DENND1A: variants seen among roughly 807,000 people sequenced by gnomAD.
The protein encoded by DENND1A is DENN domain containing 1A, also known as DENN domain-containing protein 1A.
DENND1A carries 51 observed loss-of-function variants against 113.7 expected under a neutral mutation model. That is an observed-to-expected ratio of 0.45 (90% CI 0.36 to 0.57). The LOEUF (loss-of-function observed/expected upper bound fraction) is 0.57. DENND1A is among the 20% of genes least tolerant of loss of function. The probability of loss-of-function intolerance (pLI) is 0.00; values close to 1 mark genes in which losing one functional copy is unlikely to be tolerated. For synonymous variants in DENND1A, 565 were observed against 570.8 expected, an observed-to-expected ratio of 0.99 and a Z score of 0.14; for missense variants, 1,258 against 1,395.9, an observed-to-expected ratio of 0.90 and a Z score of 1.57.
intron 5 of DENND1A, among the ~76,000 whole-genome samples, chr9:123,737,582 A>G (rs2068664278): frequency 1.3e-5 from 2 of 152,164 alleles, no homozygotes; most frequent in African/African-American, 2.4e-5. Context: ...AAAACGTAGC[A>G]GAAGCTAAGA....
chr9:123,642,136 C>G (rs2062062977), intron 9 of DENND1A, among the ~76,000 whole-genome samples: 1 of 152,152 alleles, frequency 6.6e-6, no homozygotes, highest in Non-Finnish European at 1.5e-5. Context: ...TATGGTATCT[C>G]AAGGTTCTTC....
At chr9:123,767,491 C>T (rs938768862) in intron 4 of DENND1A, among the ~76,000 whole-genome samples, 4 of 151,852 alleles carry the variant, frequency 2.6e-5, no homozygotes, top group African/African-American at 9.7e-5. Context: ...CTAACAACAA[C>T]AAAAAGGCAT....
intron 2 of DENND1A, among the ~76,000 whole-genome samples, chr9:123,875,623 C>T (rs1163207260): frequency 2.0e-5 from 3 of 152,204 alleles, no homozygotes; most frequent in Non-Finnish European, 4.4e-5. Context: ...TGACAGCTAT[C>T]CTTAGGCCAC....
At chr9:123,475,733 C>A (rs774169529) in intron 13 of DENND1A, among the ~76,000 whole-genome samples, 1 of 152,224 alleles carries the variant, frequency 6.6e-6, no homozygotes, top group Non-Finnish European at 1.5e-5. Flanking sequence ...GGCTTCGTGT[C>A]GCCCAACAGA....
chr9:123,867,511 T>C (rs1196700083), intron 2 of DENND1A, among the ~76,000 whole-genome samples: 2 of 152,230 alleles, frequency 1.3e-5, no homozygotes, highest in African/African-American at 4.8e-5. Context: ...TAGTTATAAA[T>C]GTTTCCAAGC....
chr9:123,397,638 G>A (rs1479448354), intron 21 of DENND1A, among the ~76,000 whole-genome samples: 1 of 152,214 alleles, frequency 6.6e-6, no homozygotes, highest in Non-Finnish European at 1.5e-5. Context: ...CATATTGCAA[G>A]GAAGTTGCAG....
chr9:123,676,685 T>C (rs1156807814), intron 6 of DENND1A, 35 bp downstream of exon 6: 1 of 1,586,746 alleles, frequency 6.3e-7, no homozygotes, highest in East Asian at 2.3e-5. Context: ...TTAAAGCTTA[T>C]TTGTTTAAAA....
intron 13 of DENND1A, among the ~76,000 whole-genome samples, chr9:123,513,362 T>C (rs2053613647): frequency 6.6e-6 from 1 of 152,248 alleles, no homozygotes; most frequent in African/African-American, 2.4e-5. Context: ...GTCGGATGCA[T>C]GTTACTCAAA....
At chr9:123,577,522 T>C (rs1419748820) in intron 12 of DENND1A, among the ~76,000 whole-genome samples, 12 of 152,214 alleles carry the variant, frequency 7.9e-5, no homozygotes, top group Admixed American at 7.9e-4. Context: ...TCAACATGTC[T>C]TGCACTTTTA....
intron 8 of DENND1A, among the ~76,000 whole-genome samples, chr9:123,652,709 G>A (rs144687430): frequency 3.0e-4 from 46 of 152,222 alleles, no homozygotes; most frequent in African/African-American, 9.4e-4. Context: ...TTGCTAAAAC[G>A]GCTCAGCTGG....
intron 13 of DENND1A, among the ~76,000 whole-genome samples, chr9:123,464,443 G>C (rs925654719): frequency 2.6e-5 from 4 of 152,174 alleles, no homozygotes; most frequent in Non-Finnish European, 4.4e-5. Context: ...TAACATAAAG[G>C]AATCTTGAAG....
rs1211359547 is a variant in DENND1A, at chr9:123,906,240, C to A, written c.17+23649G>T. Among the ~76,000 whole-genome samples the A allele has an allele frequency of 1.4e-5, 2 of 140,900 alleles. 1 individual carries two copies. The highest frequency in any genetic ancestry group is 5.7e-5 in the African/African-American group (2 of 34,860). The allele number at this position is 140,900 out of a possible 152,430, so 92.4% of individuals were successfully genotyped here. A position where few individuals can be genotyped will look rare whatever the true frequency, so the allele number is the denominator to read the frequency against. The stretch of plus-strand genomic sequence containing the variant: ...GAGGGAAATTTATAGCACTAAATGC[C>A]CACAAGAGAAAGCAGGAAAGATCCA... On this transcript the variant is annotated intron_variant, in intron 1 of 23. Coordinates refer to ENST00000394215, the MANE Select transcript of DENND1A (RefSeq NM_001352964.2).
rs747773433 is a variant in DENND1A, at chr9:123,547,610, A to G, written c.993+9960T>C. 2.3e-4 allele frequency among the ~76,000 whole-genome samples: 35 copies of G among 152,332 alleles called. No homozygotes were observed. The Middle Eastern group carries it at 0.01, about 44-fold the overall frequency. On this transcript the variant is annotated intron_variant, in intron 13 of 23. Transcript: ENST00000394215. Reference sequence around the variant, plus strand: ...TGGTACCTTCCACCCCTATTTGTCCATAATTGCTGGTGGGCAATAAAATGA... The same window carrying G: ...TGGTACCTTCCACCCCTATTTGTCCGTAATTGCTGGTGGGCAATAAAATGA...
At chr9:123,544,682 A>AAT (rs1212276955) in intron 13 of DENND1A, among the ~76,000 whole-genome samples, 1 of 152,192 alleles carries the variant, frequency 6.6e-6, no homozygotes, top group African/African-American at 2.4e-5. Context: ...TAAAAAGGGG[A>AAT]ATATATATAA....
At chr9:123,525,456 T>C (rs895224449) in intron 13 of DENND1A, among the ~76,000 whole-genome samples, 2 of 152,180 alleles carry the variant, frequency 1.3e-5, no homozygotes, top group Admixed American at 6.5e-5. Context: ...CTGTTTGAGT[T>C]AGCCTCAATC....
At chr9:123,492,867 A>G (rs2051503929) in intron 13 of DENND1A, 2 of 152,154 alleles carry the variant, frequency 1.3e-5, no homozygotes, top group South Asian at 4.1e-4. Flanking sequence ...CTAGCCTGGT[A>G]ATAGGAGGGA....
intron 6 of DENND1A, 111 bp from the exon 7 acceptor site, chr9:123,671,482 C>A: frequency 2.0e-6 from 2 of 996,000 alleles, no homozygotes; most frequent in East Asian, 2.4e-5. Flanking sequence ...ATGCTGGCCC[C>A]AGTACAGAAA....
intron 13 of DENND1A, among the ~76,000 whole-genome samples, chr9:123,534,785 AT>A (rs748308730): frequency 2.6e-5 from 4 of 152,248 alleles, no homozygotes; most frequent in Non-Finnish European, 4.4e-5. Flanking sequence ...ACGTCTGATC[AT>A]ATCTTTCCCC....
At chr9:123,899,559 C>A (rs947159313) in intron 1 of DENND1A, among the ~76,000 whole-genome samples, 1 of 152,138 alleles carries the variant, frequency 6.6e-6, no homozygotes, top group African/African-American at 2.4e-5. Flanking sequence ...CTGCTACTCC[C>A]TGTCTATTCT....
Sources: gnomAD v4.1 joint callset for allele counts (sites outside exome capture counted in the v4.1 genomes callset) on GRCh38, gnomAD v4.1.1 for gene constraint, MANE v1.5 for transcripts, NCBI Gene and HGNC (gene_info 2026-07-23, HGNC 2026-07-21) for gene names.